TBX15: variants seen among roughly 807,000 people sequenced by gnomAD.
TBX15 encodes T-box transcription factor 15.
In TBX15, 18 loss-of-function variants were observed where a neutral mutation model predicts 53.9. The ratio of observed to expected loss-of-function variants is 0.33; its 90% CI spans 0.23 to 0.49. The LOEUF (loss-of-function observed/expected upper bound fraction) is 0.49. Among genes scored for constraint, TBX15 ranks in the 20% least tolerant of loss-of-function variants. The pLI, the probability that TBX15 is intolerant of heterozygous loss-of-function variation, is 0.98. For missense variants in TBX15, 692 were observed against 749.5 expected (o/e 0.92, Z 0.90); for synonymous variants, 295 against 278.0 (o/e 1.06, Z -0.61).
At chr1:118,910,379 C>T (rs1271265471) in intron 6 of TBX15, among the ~76,000 whole-genome samples, 1 of 151,948 alleles carries the variant, frequency 6.6e-6, no homozygotes, top group African/African-American at 2.4e-5. Context: ...GTCTAAAATG[C>T]ATGGGGAAGA....
rs909722151 is a variant in TBX15 at position 118,912,216 on chromosome 1, A to C, written c.926+1899T>G. Among the ~76,000 whole-genome samples the C allele has an allele frequency of 3.9e-5, 6 of 152,358 alleles. No homozygotes were observed. The East Asian group carries it at 1.2e-3, about 29-fold the overall frequency. On this transcript the variant is annotated intron_variant, in intron 6 of 7. Coordinates refer to ENST00000369429, the MANE Select transcript of TBX15 (RefSeq NM_001330677.2). The stretch of plus-strand genomic sequence containing the variant: ...TACTAAATGCTATTGGAGATACAGA[A>C]GGAAGGAAAAAGAAAGAAATAGTTT...
chr1:118,916,816 C>T (rs566000750), intron 5 of TBX15, among the ~76,000 whole-genome samples: 13 of 151,794 alleles, frequency 8.6e-5, no homozygotes, highest in South Asian at 6.2e-4. Flanking sequence ...TGGTGAGCTA[C>T]GATTGCACCA....
At chr1:118,894,649 G>A (rs975818380) in intron 7 of TBX15, among the ~76,000 whole-genome samples, 1 of 150,984 alleles carries the variant, frequency 6.6e-6, no homozygotes, top group Non-Finnish European at 1.5e-5. Context: ...TAAGAACTTA[G>A]TAATGGTTGA....
chr1:118,898,306 C>T (rs1027196978), intron 7 of TBX15, among the ~76,000 whole-genome samples: 3 of 152,116 alleles, frequency 2.0e-5, no homozygotes, highest in Admixed American at 1.3e-4. Flanking sequence ...AGAAGCTCCC[C>T]TGAAAAGGGT....
upstream of TBX15, chr1:118,989,337 C>T (rs1363295298): frequency 6.6e-6 from 1 of 152,206 alleles, no homozygotes; most frequent in Admixed American, 6.5e-5. Flanking sequence ...CGCTCCTGGC[C>T]ATTCTTAATT....
At chr1:118,915,307 T>C (rs561948704) in intron 5 of TBX15, among the ~76,000 whole-genome samples, 1 of 152,324 alleles carries the variant, frequency 6.6e-6, no homozygotes, top group East Asian at 1.9e-4. Flanking sequence ...ACAGCTAAAG[T>C]TGTTTCCTAC....
chr1:118,926,566 T>C lies in TBX15; in HGVS notation c.465A>G (p.Pro155=), dbSNP rs1285762496. The part of the protein sequence containing the change: ...AMRVKITGLD[P]HQQYYIAMDI... ...CCATTGCTATGTAGTACTGCTGATG[T>C]GGATCTAGGCCAGTGATTTTCACTC... The change falls in exon 3 of 8, where the codon CCA becomes CCG. Residue 155 remains proline, a synonymous_variant. Transcript: ENST00000369429. The C allele has an allele frequency of 1.2e-6, 2 of 1,613,892 alleles. No individual in the cohort carries two copies. The highest frequency in any genetic ancestry group is 1.7e-6 in the Non-Finnish European group (2 of 1,179,930).
chr1:118,925,734 G>A (rs574232531), intron 3 of TBX15, among the ~76,000 whole-genome samples: 9 of 152,198 alleles, frequency 5.9e-5, no homozygotes, highest in Non-Finnish European at 1.0e-4. Flanking sequence ...AATCCAGACC[G>A]TGTCTCTCTC....
intron 6 of TBX15, among the ~76,000 whole-genome samples, chr1:118,901,871 C>T (rs765865703): frequency 1.2e-4 from 18 of 152,224 alleles, no homozygotes; most frequent in East Asian, 3.9e-4. Flanking sequence ...CCTTAGCTAA[C>T]GAACATAAAG....
chr1:118,971,784 T>C (rs1657242296), intron 1 of TBX15, among the ~76,000 whole-genome samples: 1 of 152,192 alleles, frequency 6.6e-6, no homozygotes, highest in Non-Finnish European at 1.5e-5. Context: ...CCCTTGGGTA[T>C]AGGCATCAAT....
rs946810529 is a variant in TBX15, at chr1:118,955,254, A to C, written c.206-23422T>G. On this transcript the variant is annotated intron_variant, in intron 1 of 7. Transcript: ENST00000369429. ...AATATGAACAATGTGATTAAAAAAA[A>C]AAATGGATGTTTAGGAAAAGTGAAG... Among the ~76,000 whole-genome samples the C allele has an allele frequency of 6.6e-5, 10 of 152,336 alleles. 1 individual carries two copies. In the South Asian group the frequency reaches 1.0e-3, roughly 16 times the overall value.
intron 1 of TBX15, among the ~76,000 whole-genome samples, chr1:118,946,610 A>G (rs1656355848): frequency 6.6e-6 from 1 of 152,238 alleles, no homozygotes; most frequent in African/African-American, 2.4e-5. Flanking sequence ...CTAATGGTGC[A>G]TCTTAATAAA....
rs375177130 is a variant in TBX15, at chr1:118,894,836, T to C, written c.1024+4192A>G. Among the ~76,000 whole-genome samples the C allele has an allele frequency of 2.0e-5, 3 of 152,236 alleles. No individual in the cohort carries two copies. In the East Asian group the frequency reaches 5.8e-4, roughly 29 times the overall value. Reference sequence around the variant, plus strand: ...TTACTGTTTGTTTTAATGGATTGAATTGAGATGCTCCCTACCCCCTATCAG... The same window carrying C: ...TTACTGTTTGTTTTAATGGATTGAACTGAGATGCTCCCTACCCCCTATCAG... On this transcript the variant is annotated intron_variant, in intron 7 of 7. Transcript: ENST00000369429.
intron 1 of TBX15, among the ~76,000 whole-genome samples, chr1:118,975,177 G>A (rs1021112183): frequency 6.6e-6 from 1 of 152,202 alleles, no homozygotes; most frequent in Non-Finnish European, 1.5e-5. Flanking sequence ...TTCAGACACT[G>A]AGATTTTTGT....
intron 1 of TBX15, among the ~76,000 whole-genome samples, chr1:118,985,390 G>A (rs1657797128): frequency 1.3e-5 from 2 of 152,200 alleles, no homozygotes; most frequent in Admixed American, 1.3e-4. Context: ...CCCCAGCCCT[G>A]GTCGCGCCTT....
At chr1:118,903,834 T>A (rs1654721664) in intron 6 of TBX15, among the ~76,000 whole-genome samples, 1 of 152,188 alleles carries the variant, frequency 6.6e-6, no homozygotes, top group South Asian at 2.1e-4. Flanking sequence ...ATGACTAGTT[T>A]CTGAACTATG....
intron 4 of TBX15, among the ~76,000 whole-genome samples, 153 bp from the exon 5 acceptor site, chr1:118,923,756 G>A (rs1232050627): frequency 6.6e-6 from 1 of 152,150 alleles, no homozygotes; most frequent in Non-Finnish European, 1.5e-5. Context: ...TACTTGCCCA[G>A]GAAGAACTAA....
intron 5 of TBX15, among the ~76,000 whole-genome samples, chr1:118,915,777 A>G (rs1243998412): frequency 6.6e-6 from 1 of 152,120 alleles, no homozygotes; most frequent in African/African-American, 2.4e-5. Context: ...TGTCCAACTC[A>G]TTTATGATAG....
At chr1:118,956,911 C>T (rs10802067) in intron 1 of TBX15, among the ~76,000 whole-genome samples, 9,513 of 150,654 alleles carry the variant, frequency 0.063, 434 homozygotes, top group East Asian at 0.2. Context: ...TGCAGTGAGC[C>T]GACATCGCAC....
Sources: gnomAD v4.1 joint callset for allele counts (sites outside exome capture counted in the v4.1 genomes callset) on GRCh38, gnomAD v4.1.1 for gene constraint, MANE v1.5 for transcripts, NCBI Gene and HGNC (gene_info 2026-07-23, HGNC 2026-07-21) for gene names.